Variants in CELF2 observed in about 807,000 individuals in gnomAD.
CELF2 encodes CUGBP Elav-like family member 2.
In CELF2, 8 loss-of-function variants were observed where a neutral mutation model predicts 62.6. The ratio of observed to expected loss-of-function variants is 0.13; its 90% confidence interval spans 0.07 to 0.23. The LOEUF is 0.23. CELF2 is among the 10% of genes least tolerant of loss of function. The probability of loss-of-function intolerance (pLI) is 1.00; values close to 1 mark genes in which losing one functional copy is unlikely to be tolerated. For missense variants in CELF2, 333 were observed against 671.0 expected (o/e 0.50, Z 5.56); for synonymous variants, 258 against 250.0 (o/e 1.03, Z -0.30).
chr10:10,519,174 G>T, the CELF2 span, among the ~76,000 whole-genome samples: 1 of 152,144 alleles, frequency 6.6e-6, no homozygotes, highest in South Asian at 2.1e-4. Context: ...AGTCAGGCAA[G>T]ATATTTGCCT....
intron 1 of CELF2, among the ~76,000 whole-genome samples, chr10:10,894,215 T>G (rs2133965740): frequency 6.6e-6 from 1 of 152,206 alleles, no homozygotes; most frequent in South Asian, 2.1e-4. Context: ...GAGGCCAATA[T>G]TTGAAGTGCA....
At chr10:11,148,738 C>G (rs1171129641) in intron 1 of CELF2, among the ~76,000 whole-genome samples, 2 of 152,100 alleles carry the variant, frequency 1.3e-5, no homozygotes, top group East Asian at 1.9e-4. Flanking sequence ...TCTTCTCTGT[C>G]AGGGTTCTGG....
the CELF2 span, among the ~76,000 whole-genome samples, chr10:10,770,578 T>C: frequency 6.6e-6 from 1 of 152,072 alleles, no homozygotes; most frequent in Non-Finnish European, 1.5e-5. Flanking sequence ...AGAGCTGGAA[T>C]CATAGACTGT....
chr10:10,565,895 A>G, the CELF2 span, among the ~76,000 whole-genome samples: 20 of 152,248 alleles, frequency 1.3e-4, no homozygotes, highest in Admixed American at 9.8e-4. Flanking sequence ...AAGGGTCAGC[A>G]ATTAATGAGG....
the CELF2 span, among the ~76,000 whole-genome samples, chr10:10,639,280 C>T: frequency 6.6e-6 from 1 of 152,118 alleles, no homozygotes; most frequent in South Asian, 2.1e-4. Flanking sequence ...ATGGTGCTAT[C>T]AATTATGACA....
rs749748471 is a variant in CELF2, at chr10:11,211,811, AGAGTGTGTGT to A, written c.272-5612_272-5603del. ...GTGTGTGAGAGAGAGAGAGAGAGAG[AGAGTGTGTGT>A]GTGTGTGTGTGTGTGTGTGTGTGTG... On this transcript the variant is annotated intron_variant, in intron 2 of 12. Coordinates refer to ENST00000633077, the MANE Select transcript of CELF2 (RefSeq NM_001326342.2). The surrounding 1 kb of genome is among the most constrained non-coding windows in gnomAD (Gnocchi z 4.8). Among the ~76,000 whole-genome samples the A allele has an allele frequency of 0.012, 664 of 56,066 alleles. 2 individuals carry two copies. The highest frequency in any genetic ancestry group is 0.016 in the Non-Finnish European group (371 of 23,596). The allele number at this position is 56,066 out of a possible 152,430, so 36.8% of individuals were successfully genotyped here.
At chr10:10,527,296 T>G in the CELF2 span, among the ~76,000 whole-genome samples, 2 of 151,680 alleles carry the variant, frequency 1.3e-5, no homozygotes, top group African/African-American at 4.8e-5. Flanking sequence ...ACAAAAAAAA[T>G]TAATTGGGCA....
chr10:11,104,377 C>T (rs1455448420), intron 1 of CELF2, among the ~76,000 whole-genome samples: 1 of 152,122 alleles, frequency 6.6e-6, no homozygotes, highest in Non-Finnish European at 1.5e-5. Context: ...TAAGTATTTC[C>T]CAGGGTTCCT....
chr10:11,163,932 T>C (rs991089944), intron 1 of CELF2, among the ~76,000 whole-genome samples: 1 of 152,206 alleles, frequency 6.6e-6, no homozygotes, highest in Non-Finnish European at 1.5e-5. Flanking sequence ...TGTATTTGTC[T>C]GGTGTTTCAT....
chr10:11,240,090 ATAT>A (rs1359852572), intron 3 of CELF2, among the ~76,000 whole-genome samples: 2 of 152,232 alleles, frequency 1.3e-5, no homozygotes, highest in Non-Finnish European at 2.9e-5. Flanking sequence ...GTTAATCGTG[ATAT>A]GTAAAAGAAC....
At chr10:10,516,759 C>T in the CELF2 span, among the ~76,000 whole-genome samples, 1 of 151,832 alleles carries the variant, frequency 6.6e-6, no homozygotes, top group Non-Finnish European at 1.5e-5. Flanking sequence ...CAAAAATCAC[C>T]TTGGCTGAGT....
At chr10:10,885,104 G>A (rs185705094) in intron 1 of CELF2, among the ~76,000 whole-genome samples, 3 of 152,152 alleles carry the variant, frequency 2.0e-5, no homozygotes, top group Admixed American at 1.3e-4. Flanking sequence ...TTAGCTGAGC[G>A]TGGTGGTGTT....
intron 11 of CELF2, among the ~76,000 whole-genome samples, chr10:11,322,509 C>T (rs1166375536): frequency 6.6e-6 from 1 of 152,056 alleles, no homozygotes; most frequent in Non-Finnish European, 1.5e-5. Flanking sequence ...GGATAAAAAG[C>T]TAGAATAGAG....
chr10:11,077,210 G>A (rs900055721), intron 1 of CELF2, among the ~76,000 whole-genome samples: 1 of 152,228 alleles, frequency 6.6e-6, no homozygotes, highest in African/African-American at 2.4e-5. Flanking sequence ...CAGAGGGGTT[G>A]TAAGAACCAA....
At chr10:10,975,436 C>T (rs1253418356) in intron 2 of CELF2, among the ~76,000 whole-genome samples, 2 of 152,192 alleles carry the variant, frequency 1.3e-5, no homozygotes, top group African/African-American at 4.8e-5. Flanking sequence ...GCCTGGCCAA[C>T]ACATTGTTTA....
the CELF2 span, among the ~76,000 whole-genome samples, chr10:10,550,701 CTTT>C: frequency 7.0e-6 from 1 of 142,496 alleles, no homozygotes; most frequent in Non-Finnish European, 1.5e-5. Flanking sequence ...CATGTGATGT[CTTT>C]TTTTTTTTTT....
In CELF2 at chr10:11,211,409, G is replaced by A. The variant is rs975186668; in HGVS notation, c.272-6016G>A. 2.6e-5 allele frequency among the ~76,000 whole-genome samples: 4 copies of A among 152,152 alleles called. No homozygotes were observed. Among genetic ancestry groups the A allele is most frequent in the African/African-American group, 9.7e-5 (4 of 41,426 alleles). Reference sequence around the variant, plus strand: ...GGAGGAAGTTTCTTTAATGAGTATGGTGTCAGTTTTCTTAAGGGCAGAATG... The same window carrying A: ...GGAGGAAGTTTCTTTAATGAGTATGATGTCAGTTTTCTTAAGGGCAGAATG... On this transcript the variant is annotated intron_variant, in intron 2 of 12. Transcript: ENST00000633077. The surrounding 1 kb of genome is among the most constrained non-coding windows in gnomAD (Gnocchi z 4.8).
the CELF2 span, among the ~76,000 whole-genome samples, chr10:10,548,808 G>A: frequency 6.6e-6 from 1 of 152,176 alleles, no homozygotes; most frequent in Non-Finnish European, 1.5e-5. Context: ...AGAAGAATAT[G>A]CTATATTTAA....
rs575544516 is a variant in CELF2 at position 11,192,016 on chromosome 10, A to G, written c.272-25409A>G. Among the ~76,000 whole-genome samples the G allele has an allele frequency of 2.6e-5, 4 of 152,164 alleles. No individual in the cohort carries two copies. The South Asian group carries it at 8.3e-4, about 32-fold the overall frequency. On this transcript the variant is annotated intron_variant, in intron 2 of 12. Transcript: ENST00000633077. ...TGTTTTCCCAGAATAGCCAATTAGT[A>G]TTGAGGAAGTGTCACCTGCTCTTCT...
Sources: allele counts gnomAD v4.1 joint callset (sites outside exome capture counted in the v4.1 genomes callset), GRCh38; gene constraint gnomAD v4.1.1; non-coding constraint Gnocchi (gnomAD v3.1); transcripts MANE v1.5; gene names NCBI Gene and HGNC (gene_info 2026-07-23, HGNC 2026-07-21).